NFIA: variants seen among roughly 807,000 people sequenced by gnomAD.
NFIA encodes nuclear factor I A.
A neutral mutation model predicts 62.8 loss-of-function variants in NFIA; 8 were observed. The observed-to-expected ratio is 0.13, with a 90% CI of 0.07 to 0.23. The LOEUF (loss-of-function observed/expected upper bound fraction) is 0.23. Among genes scored for constraint, NFIA ranks in the 10% least tolerant of loss-of-function variants. NFIA has a pLI of 1.00. For missense variants in NFIA, 410 were observed against 642.1 expected, an observed-to-expected ratio of 0.64 and a Z score of 3.91; for synonymous variants, 235 against 238.1, an observed-to-expected ratio of 0.99 and a Z score of 0.12.
chr1:61,338,584 T>C (rs1044778556), intron 4 of NFIA, among the ~76,000 whole-genome samples: 3 of 152,242 alleles, frequency 2.0e-5, no homozygotes, highest in African/African-American at 7.2e-5. Context: ...GTAAGAACTA[T>C]TGGCAATATT....
intron 2 of NFIA, among the ~76,000 whole-genome samples, chr1:61,189,572 G>A (rs993972873): frequency 6.6e-6 from 1 of 152,118 alleles, no homozygotes; most frequent in African/African-American, 2.4e-5. Flanking sequence ...GGCTGAGGCA[G>A]GGGAATTGCT....
At chr1:61,136,258 T>A (rs1467739854) in intron 2 of NFIA, among the ~76,000 whole-genome samples, 1 of 152,230 alleles carries the variant, frequency 6.6e-6, no homozygotes. Context: ...AAAGCTATTT[T>A]TCCTGACAAC....
intron 2 of NFIA, chr1:61,248,817 G>T (rs1386434323): frequency 1.3e-5 from 2 of 152,020 alleles, no homozygotes; most frequent in Non-Finnish European, 2.9e-5. Flanking sequence ...TCCACATAAC[G>T]CCTATGCACA....
intron 2 of NFIA, among the ~76,000 whole-genome samples, chr1:61,138,067 T>G (rs1469331125): frequency 6.6e-6 from 1 of 152,078 alleles, no homozygotes; most frequent in African/African-American, 2.4e-5. Flanking sequence ...TTCCAATTTC[T>G]TAGTAAAACA....
At chr1:61,093,143 T>A (rs1646349684) in intron 2 of NFIA, among the ~76,000 whole-genome samples, 1 of 152,190 alleles carries the variant, frequency 6.6e-6, no homozygotes, top group African/African-American at 2.4e-5. Flanking sequence ...ACATTGCATA[T>A]CCAAAATATA....
intron 2 of NFIA, among the ~76,000 whole-genome samples, chr1:61,146,845 A>G (rs544997319): frequency 1.5e-3 from 233 of 151,766 alleles, no homozygotes; most frequent in Middle Eastern, 6.8e-3. Context: ...TTTTTTTTAA[A>G]TAGTTTTATG....
intron 7 of NFIA, among the ~76,000 whole-genome samples, chr1:61,389,145 G>A (rs970703774): frequency 6.6e-6 from 1 of 152,138 alleles, no homozygotes; most frequent in Non-Finnish European, 1.5e-5. Context: ...TGTGATTCAA[G>A]GCTGATAGGG....
intron 2 of NFIA, among the ~76,000 whole-genome samples, chr1:61,263,963 C>T (rs1557669739): frequency 2.0e-5 from 3 of 151,984 alleles, no homozygotes; most frequent in Admixed American, 2.0e-4. Flanking sequence ...GCACTCCAGC[C>T]TGGGTGGCAG....
intron 3 of NFIA, among the ~76,000 whole-genome samples, chr1:61,286,047 G>T (rs368830776): frequency 6.6e-6 from 1 of 152,104 alleles, no homozygotes; most frequent in Admixed American, 6.5e-5. Context: ...GACACTGAGC[G>T]TCTGTTAAGG....
At chr1:61,403,003 C>T (rs373248455) in intron 7 of NFIA, among the ~76,000 whole-genome samples, 31 of 152,282 alleles carry the variant, frequency 2.0e-4, no homozygotes, top group African/African-American at 7.0e-4. Flanking sequence ...GAAGTGATGG[C>T]CTGTCTTACT....
intron 2 of NFIA, among the ~76,000 whole-genome samples, chr1:61,194,030 A>T (rs1227636985): frequency 6.6e-6 from 1 of 152,216 alleles, no homozygotes; most frequent in African/African-American, 2.4e-5. Context: ...GAACAGCATT[A>T]GTATAATGTG....
At chr1:61,268,975 G>C (rs570009732) in intron 2 of NFIA, among the ~76,000 whole-genome samples, 1 of 152,016 alleles carries the variant, frequency 6.6e-6, no homozygotes, top group Non-Finnish European at 1.5e-5. Flanking sequence ...CCCTTGCCTC[G>C]TTGTTTGGGA....
intron 2 of NFIA, among the ~76,000 whole-genome samples, chr1:61,173,335 T>C (rs1304510539): frequency 6.6e-6 from 1 of 152,160 alleles, no homozygotes; most frequent in Non-Finnish European, 1.5e-5. Context: ...TCATTCACTG[T>C]GTGATCATGG....
At chr1:61,360,679 A>C (rs1420385288) in intron 6 of NFIA, among the ~76,000 whole-genome samples, 1 of 152,160 alleles carries the variant, frequency 6.6e-6, no homozygotes, top group Non-Finnish European at 1.5e-5. Flanking sequence ...TGTGACTATA[A>C]AGGTGTAGCA....
At chr1:61,292,588 C>T (rs1004524025) in intron 3 of NFIA, among the ~76,000 whole-genome samples, 1 of 152,114 alleles carries the variant, frequency 6.6e-6, no homozygotes, top group South Asian at 2.1e-4. Flanking sequence ...TGATTGTGAT[C>T]TCCTAAAGTT....
chr1:61,299,418 A>T (rs1659376474), intron 3 of NFIA, among the ~76,000 whole-genome samples: 1 of 152,176 alleles, frequency 6.6e-6, no homozygotes, highest in Admixed American at 6.6e-5. Flanking sequence ...CTACCTCTTT[A>T]ATTTTTCTTT....
intron 2 of NFIA, among the ~76,000 whole-genome samples, chr1:61,230,285 A>C (rs1654592843): frequency 6.6e-6 from 1 of 152,194 alleles, no homozygotes; most frequent in Non-Finnish European, 1.5e-5. Flanking sequence ...ACCTTAAAAT[A>C]ATTTGACAGT....
At chr1:61,125,801 C>T (rs1646957177) in intron 2 of NFIA, among the ~76,000 whole-genome samples, 1 of 152,138 alleles carries the variant, frequency 6.6e-6, no homozygotes, top group South Asian at 2.1e-4. Context: ...GAAGAGATCA[C>T]CTAAGCCTAG....
Position 61,426,491 on chromosome 1 carries a change from G to A in NFIA, c.1447G>A (p.Ala483Thr), listed in dbSNP as rs1457717920. 4 of 1,551,688 alleles carry A rather than the reference G, an allele frequency of 2.6e-6. No individual in the cohort carries two copies. Among genetic ancestry groups the A allele is most frequent in the Non-Finnish European group, 2.6e-6 (3 of 1,146,988 alleles). Residue 483 changes from alanine to threonine, a missense_variant, in exon 10 of 11, where the codon GCA (alanine) becomes ACA (threonine). Coordinates refer to ENST00000403491, the MANE Select transcript of NFIA (RefSeq NM_001134673.4). ...PTYSTPSTSP[A>T]NRFVSVGPRD... Reference sequence around the variant, plus strand: ...CTACTCGACACCCAGCACCTCCCCCGCAAACCGATTCGTCAGTGTTGGACC... The same window carrying A: ...CTACTCGACACCCAGCACCTCCCCCACAAACCGATTCGTCAGTGTTGGACC...
Sources: gnomAD v4.1 joint callset for allele counts (sites outside exome capture counted in the v4.1 genomes callset) on GRCh38, gnomAD v4.1.1 for gene constraint, MANE v1.5 for transcripts, NCBI Gene and HGNC (gene_info 2026-07-23, HGNC 2026-07-21) for gene names.